CAST: variants seen among roughly 807,000 people sequenced by gnomAD.
CAST encodes calpastatin, also known as MIR583 host.
In CAST, 76 loss-of-function variants were observed where a neutral mutation model predicts 119.6. That is an observed-to-expected ratio of 0.64 (90% confidence interval 0.53 to 0.77). The LOEUF (loss-of-function observed/expected upper bound fraction) is 0.77. CAST is among the 30% of genes least tolerant of loss of function. The pLI is 0.00. For missense variants in CAST, 953 were observed against 946.5 expected (o/e 1.01, Z -0.09); for synonymous variants, 319 against 331.6 (o/e 0.96, Z 0.41).
chr5:96,458,898 G>A, the CAST span, among the ~76,000 whole-genome samples: 28,148 of 151,930 alleles, frequency 0.19, 2,826 homozygotes, highest in Middle Eastern at 0.26. Context: ...ACGTGGGAGC[G>A]TATGACAGTT....
chr5:95,993,762 A>G, the CAST span, among the ~76,000 whole-genome samples: 1 of 152,112 alleles, frequency 6.6e-6, no homozygotes, highest in East Asian at 1.9e-4. Context: ...CAGAATATAT[A>G]AAGAACTCTT....
At chr5:96,451,263 T>C in the CAST span, among the ~76,000 whole-genome samples, 3 of 152,212 alleles carry the variant, frequency 2.0e-5, no homozygotes, top group African/African-American at 7.2e-5. Context: ...CTTAGCACTA[T>C]GCAGTTCTTA....
At chr5:96,748,837 A>G in intron 19 of CAST, 1 of 405,636 alleles carries the variant, frequency 2.5e-6, no homozygotes, top group Non-Finnish European at 4.4e-6. Context: ...AAAGCTCTGG[A>G]ACCCATGCCT....
chr5:96,233,197 G>A, the CAST span, among the ~76,000 whole-genome samples: 2 of 151,986 alleles, frequency 1.3e-5, no homozygotes. Flanking sequence ...TATATAAAAT[G>A]TAAAGACCCC....
At chr5:96,102,846 T>C in the CAST span, among the ~76,000 whole-genome samples, 1 of 152,142 alleles carries the variant, frequency 6.6e-6, no homozygotes, top group Non-Finnish European at 1.5e-5. Flanking sequence ...ATTTAGTTGC[T>C]TAAGAAAATG....
chr5:96,324,458 C>G, the CAST span, among the ~76,000 whole-genome samples: 1 of 152,300 alleles, frequency 6.6e-6, no homozygotes, highest in East Asian at 1.9e-4. Flanking sequence ...ACAATTCTCC[C>G]TTAGCCTTTC....
chr5:96,469,961 TATAAAC>T, the CAST span, among the ~76,000 whole-genome samples: 1 of 150,308 alleles, frequency 6.7e-6, no homozygotes, highest in African/African-American at 2.4e-5. Flanking sequence ...CTAAAATTAT[TATAAAC>T]ATGATGTAAA....
At chr5:96,510,405 C>T in the CAST span, among the ~76,000 whole-genome samples, 4 of 152,288 alleles carry the variant, frequency 2.6e-5, no homozygotes, top group Middle Eastern at 3.4e-3. Flanking sequence ...ATATTCTCCA[C>T]GATTATTAAT....
At chr5:96,646,431 G>A (rs1415370503) in intron 1 of CAST, among the ~76,000 whole-genome samples, 2 of 152,200 alleles carry the variant, frequency 1.3e-5, no homozygotes, top group African/African-American at 4.8e-5. Context: ...ATGTTATGCA[G>A]TCATTTAAAA....
At chr5:96,266,003 A>C in the CAST span, among the ~76,000 whole-genome samples, 1 of 152,190 alleles carries the variant, frequency 6.6e-6, no homozygotes, top group Non-Finnish European at 1.5e-5. Flanking sequence ...CAAAATATTC[A>C]GTCTCCTGAG....
the CAST span, among the ~76,000 whole-genome samples, chr5:96,412,750 A>ATTTTTTTTTTTT: frequency 7.6e-4 from 48 of 63,400 alleles, 3 homozygotes; most frequent in African/African-American, 3.7e-3. Flanking sequence ...GGCAGCTGTG[A>ATTTTTTTTTTTT]TGTTTTTTTT....
the CAST span, among the ~76,000 whole-genome samples, chr5:96,163,862 C>T: frequency 6.6e-6 from 1 of 152,222 alleles, no homozygotes. Context: ...ACAACATGGT[C>T]ACTATGTAGG....
intron 1 of CAST, among the ~76,000 whole-genome samples, chr5:96,638,243 T>TAA (rs1025580236): frequency 4.9e-5 from 7 of 143,806 alleles, no homozygotes; most frequent in Non-Finnish European, 7.7e-5. Flanking sequence ...CTGCCTCTAT[T>TAA]AAAAAAAAAA....
chr5:96,153,837 C>A, the CAST span, among the ~76,000 whole-genome samples: 1 of 152,066 alleles, frequency 6.6e-6, no homozygotes, highest in African/African-American at 2.4e-5. Flanking sequence ...TCTTTGGGAC[C>A]AAATGTGTTC....
chr5:96,108,869 C>T, the CAST span, among the ~76,000 whole-genome samples: 1 of 152,360 alleles, frequency 6.6e-6, no homozygotes, highest in South Asian at 2.1e-4. Flanking sequence ...TGCTAGCAAT[C>T]AGCGAGACTC....
chr5:96,093,300 A>G, the CAST span, among the ~76,000 whole-genome samples: 1 of 152,154 alleles, frequency 6.6e-6, no homozygotes, highest in Non-Finnish European at 1.5e-5. Context: ...GATACAGTAC[A>G]TGGTACAGAG....
At chr5:96,161,347 A>G in the CAST span, among the ~76,000 whole-genome samples, 4 of 152,256 alleles carry the variant, frequency 2.6e-5, no homozygotes, top group Non-Finnish European at 5.9e-5. Context: ...TTGAGTTGTA[A>G]AAGTTCTTTA....
At chr5:96,166,761 C>T in the CAST span, among the ~76,000 whole-genome samples, 1 of 152,140 alleles carries the variant, frequency 6.6e-6, no homozygotes, top group South Asian at 2.1e-4. Context: ...AACTTCCTAT[C>T]CTCACTCATG....
chr5:96,615,137 T>C (rs1300080446), intron 1 of CAST, among the ~76,000 whole-genome samples: 1 of 152,232 alleles, frequency 6.6e-6, no homozygotes, highest in Non-Finnish European at 1.5e-5. Context: ...ATTCAGCACT[T>C]TATTATAAAA....
Sources: allele counts gnomAD v4.1 joint callset (sites outside exome capture counted in the v4.1 genomes callset), GRCh38; gene constraint gnomAD v4.1.1; transcripts MANE v1.5; gene names NCBI Gene and HGNC (gene_info 2026-07-23, HGNC 2026-07-21).